The following CMSS1 variants were observed in gnomAD, a reference collection of about 807,000 sequenced individuals.
The protein encoded by CMSS1 is cms1 ribosomal small subunit homolog, also known as protein CMSS1.
A neutral mutation model predicts 43.5 loss-of-function variants in CMSS1; 33 were observed. The ratio of observed to expected loss-of-function variants is 0.76; its 90% CI spans 0.57 to 1.01. The LOEUF (loss-of-function observed/expected upper bound fraction) is 1.01, where lower values mean the gene tolerates loss of function less well. CMSS1 is among the 50% of genes least tolerant of loss of function. The probability of loss-of-function intolerance (pLI) is 0.00; values close to 1 mark genes in which losing one functional copy is unlikely to be tolerated. For synonymous variants in CMSS1, 115 were observed against 117.2 expected (o/e 0.98, Z 0.12); for missense variants, 313 against 326.4 (o/e 0.96, Z 0.32).
intron 1 of CMSS1, among the ~76,000 whole-genome samples, chr3:99,915,293 C>CA (rs1335721879): frequency 2.0e-5 from 3 of 151,872 alleles, no homozygotes; most frequent in Non-Finnish European, 2.9e-5. Context: ...TTCACTCATT[C>CA]AAAAAAAATA....
At chr3:99,904,982 G>A (rs769953644) in intron 1 of CMSS1, among the ~76,000 whole-genome samples, 15 of 151,984 alleles carry the variant, frequency 9.9e-5, no homozygotes, top group South Asian at 4.2e-4. Flanking sequence ...TCTCTCAGAG[G>A]TCATTGGTGG....
At chr3:100,161,816 T>C (rs770506516) in intron 3 of CMSS1, among the ~76,000 whole-genome samples, 14 of 152,198 alleles carry the variant, frequency 9.2e-5, no homozygotes, top group Non-Finnish European at 2.1e-4. Flanking sequence ...TCGAGGGTGT[T>C]AAGTCCCCTT....
At chr3:100,158,104 G>T (rs566477944) in intron 2 of CMSS1, among the ~76,000 whole-genome samples, 8 of 152,196 alleles carry the variant, frequency 5.3e-5, no homozygotes, top group African/African-American at 1.9e-4. Context: ...TGGTTTCTTG[G>T]TTTTTATATA....
intron 1 of CMSS1, among the ~76,000 whole-genome samples, chr3:100,018,735 C>CA (rs61527233): frequency 1.2e-4 from 15 of 120,200 alleles, no homozygotes; most frequent in African/African-American, 3.1e-4. Context: ...TTCCGCATAG[C>CA]AAAAAAAAAA....
rs538443086 is a variant in CMSS1, at chr3:99,949,559, A to G, written c.64+131516A>G. On this transcript the variant is annotated intron_variant, in intron 1 of 9. Coordinates refer to ENST00000421999, the MANE Select transcript of CMSS1 (RefSeq NM_032359.4). ...GAAAGAAGGAAAAACAAACAATTCTATAGCAACCTTGGAATCTTTCTCAGG... is the reference window on the plus strand; with the variant it reads ...GAAAGAAGGAAAAACAAACAATTCTGTAGCAACCTTGGAATCTTTCTCAGG... 2.6e-5 allele frequency among the ~76,000 whole-genome samples: 4 copies of G among 152,326 alleles called. No homozygotes were observed. In the South Asian group the frequency reaches 8.3e-4, roughly 32 times the overall value.
intron 1 of CMSS1, among the ~76,000 whole-genome samples, chr3:100,137,954 A>G (rs991732975): frequency 4.6e-5 from 7 of 152,236 alleles, no homozygotes; most frequent in Non-Finnish European, 2.9e-5. Flanking sequence ...GAAACAGGCT[A>G]CAGTAACCAA....
At chr3:100,056,087 G>C (rs2065459421) in intron 1 of CMSS1, among the ~76,000 whole-genome samples, 1 of 152,154 alleles carries the variant, frequency 6.6e-6, no homozygotes, top group East Asian at 1.9e-4. Flanking sequence ...GCAAGCTATG[G>C]TATACCAAGG....
At chr3:99,853,189 GA>G (rs1271382807) in intron 1 of CMSS1, among the ~76,000 whole-genome samples, 1 of 152,148 alleles carries the variant, frequency 6.6e-6, no homozygotes, top group Non-Finnish European at 1.5e-5. Flanking sequence ...CTTTGGTGGT[GA>G]AATAGTTAAA....
At position 100,097,742 on chromosome 3, in the gene CMSS1, C is replaced by T. The variant is rs116596947; in HGVS notation, c.65-49231C>T. Reference sequence around the variant, plus strand: ...ATTAGTTCTGGATTTGAATATTCTTCGTTATTTGGCAAATATCACAAAGAC... The same window carrying T: ...ATTAGTTCTGGATTTGAATATTCTTTGTTATTTGGCAAATATCACAAAGAC... On this transcript the variant is annotated intron_variant, in intron 1 of 9. Transcript: ENST00000421999. Among the ~76,000 whole-genome samples, 781 of 152,222 alleles carry T rather than the reference C, an allele frequency of 5.1e-3. 2 individuals are homozygous for T. Among genetic ancestry groups the T allele is most frequent in the African/African-American group, 0.018 (749 of 41,542 alleles).
At chr3:100,166,199 C>CT (rs1166588241) in intron 4 of CMSS1, 136 bp from the exon 5 acceptor site, 3 of 587,510 alleles carry the variant, frequency 5.1e-6, no homozygotes, top group African/African-American at 1.9e-5. Context: ...ATAGGCAACA[C>CT]TTTAAGATAT....
intron 1 of CMSS1, among the ~76,000 whole-genome samples, chr3:100,073,050 AGTTT>A (rs1465845450): frequency 2.6e-5 from 4 of 152,182 alleles, no homozygotes; most frequent in Non-Finnish European, 5.9e-5. Flanking sequence ...AAGCATAATT[AGTTT>A]ATGTGTATGT....
intron 2 of CMSS1, among the ~76,000 whole-genome samples, chr3:100,154,247 C>A (rs2066950125): frequency 6.6e-6 from 1 of 152,038 alleles, no homozygotes. Context: ...ATTTTTTTTA[C>A]ATTTTTAATT....
intron 1 of CMSS1, among the ~76,000 whole-genome samples, chr3:100,074,270 C>T (rs1437085016): frequency 1.3e-5 from 2 of 152,110 alleles, no homozygotes; most frequent in Non-Finnish European, 2.9e-5. Flanking sequence ...CGCTGCTTTC[C>T]CAGGCCAGCT....
chr3:100,037,702 A>G (rs1412698951), intron 1 of CMSS1, among the ~76,000 whole-genome samples: 1 of 152,174 alleles, frequency 6.6e-6, no homozygotes, highest in Non-Finnish European at 1.5e-5. Context: ...CTCTGTCCTG[A>G]TAAGTTTCTC....
At chr3:99,825,675 A>G (rs1440997696) in intron 1 of CMSS1, among the ~76,000 whole-genome samples, 2 of 152,096 alleles carry the variant, frequency 1.3e-5, no homozygotes, top group Admixed American at 6.6e-5. Context: ...AATACAACTC[A>G]TAAATGTGGA....
At chr3:99,956,009 G>A (rs1366657513) in intron 1 of CMSS1, among the ~76,000 whole-genome samples, 4 of 152,144 alleles carry the variant, frequency 2.6e-5, no homozygotes, top group African/African-American at 9.7e-5. Flanking sequence ...TAGGTTGTAA[G>A]GTGCCTGCCA....
intron 1 of CMSS1, among the ~76,000 whole-genome samples, chr3:99,861,111 C>T (rs1165987913): frequency 6.6e-6 from 1 of 151,556 alleles, no homozygotes; most frequent in Non-Finnish European, 1.5e-5. Flanking sequence ...AATTGGGGTT[C>T]TTGATTATTT....
rs1022840006 is a variant in CMSS1, at chr3:100,176,359, G to A, written c.700G>A (p.Val234Ile). 7.4e-6 allele frequency: 12 copies of A among 1,613,482 alleles called. No individual in the cohort carries two copies. The Admixed American group carries it at 8.3e-5, about 11-fold the overall frequency. Residue 234 changes from valine (V) to isoleucine (I), a missense_variant, in exon 9 of 10, where the codon GTT (valine) becomes ATT (isoleucine). By Grantham distance (29) the Val-to-Ile change is conservative (BLOSUM62 3). Transcript: ENST00000421999. ...TAATTTGAGCCCCTTAAAATTTCTG[G>A]TTTTTGACTGGAACTGGAGAGATCA... Reference protein sequence around the residue: ...GLNLSPLKFLVFDWNWRDQKL... With the variant: ...GLNLSPLKFLIFDWNWRDQKL...
At chr3:99,946,823 C>G (rs1374824102) in intron 1 of CMSS1, among the ~76,000 whole-genome samples, 2 of 152,220 alleles carry the variant, frequency 1.3e-5, no homozygotes, top group East Asian at 3.9e-4. Context: ...TTTGCTGGCT[C>G]TATACTACAA....
Sources: allele counts gnomAD v4.1 joint callset (sites outside exome capture counted in the v4.1 genomes callset), GRCh38; gene constraint gnomAD v4.1.1; transcripts MANE v1.5; gene names NCBI Gene and HGNC (gene_info 2026-07-23, HGNC 2026-07-21).